Variants in GPR158 observed in about 807,000 individuals in gnomAD.
The protein encoded by GPR158 is metabotropic glycine receptor.
A neutral mutation model predicts 78.2 loss-of-function variants in GPR158; 30 were observed. That is an observed-to-expected ratio of 0.38 (90% CI 0.29 to 0.52). GPR158 has a LOEUF of 0.52. Ranked by LOEUF, GPR158 falls within the 20% of genes least tolerant of loss-of-function variation. GPR158 has a pLI of 0.83. For missense variants in GPR158, 1,463 were observed against 1,523.5 expected (o/e 0.96, Z 0.66); for synonymous variants, 581 against 591.1 (o/e 0.98, Z 0.25).
chr10:25,523,979 A>C (rs1016331355), intron 5 of GPR158, among the ~76,000 whole-genome samples: 21 of 152,218 alleles, frequency 1.4e-4, no homozygotes, highest in Non-Finnish European at 2.2e-4. Context: ...AAGTTCAGCA[A>C]AGTTGCAGAA....
intron 2 of GPR158, among the ~76,000 whole-genome samples, chr10:25,229,766 C>T (rs1564396599): frequency 6.6e-6 from 1 of 152,150 alleles, no homozygotes; most frequent in Non-Finnish European, 1.5e-5. Context: ...AGATTACAAA[C>T]TACATTTAAC....
intron 5 of GPR158, among the ~76,000 whole-genome samples, chr10:25,480,396 C>T (rs11014576): frequency 0.24 from 36,736 of 152,088 alleles, 6,114 homozygotes; most frequent in African/African-American, 0.47. Flanking sequence ...TGGCTTTAAA[C>T]ACATTCACAG....
intron 6 of GPR158, among the ~76,000 whole-genome samples, chr10:25,551,871 C>G (rs1017187267): frequency 6.6e-6 from 1 of 152,134 alleles, no homozygotes; most frequent in Non-Finnish European, 1.5e-5. Flanking sequence ...TTGTACTGAT[C>G]AGCTTTAAAG....
chr10:25,349,163 T>A (rs1233534848), intron 2 of GPR158, among the ~76,000 whole-genome samples: 1 of 151,974 alleles, frequency 6.6e-6, no homozygotes, highest in African/African-American at 2.4e-5. Context: ...ATCTGTTTCT[T>A]GGTTGTTTGC....
At chr10:25,503,335 C>T (rs981681145) in intron 5 of GPR158, among the ~76,000 whole-genome samples, 3 of 151,680 alleles carry the variant, frequency 2.0e-5, no homozygotes, top group African/African-American at 7.3e-5. Flanking sequence ...TATGATCATG[C>T]CACTGCACTC....
chr10:25,499,783 A>G (rs986690670), intron 5 of GPR158, among the ~76,000 whole-genome samples: 2 of 152,184 alleles, frequency 1.3e-5, no homozygotes, highest in Admixed American at 6.6e-5. Flanking sequence ...GGCAACATGC[A>G]TAGCAAGTGG....
At chr10:25,227,148 T>C (rs536739530) in intron 2 of GPR158, among the ~76,000 whole-genome samples, 1 of 152,346 alleles carries the variant, frequency 6.6e-6, no homozygotes, top group South Asian at 2.1e-4. Flanking sequence ...TCGAATTGTT[T>C]CAAAGCTAGG....
intron 2 of GPR158, among the ~76,000 whole-genome samples, chr10:25,348,738 C>A (rs1226498324): frequency 1.3e-5 from 2 of 151,972 alleles, no homozygotes. Context: ...TCCCTATCAG[C>A]AGGATTATCC....
intron 2 of GPR158, among the ~76,000 whole-genome samples, chr10:25,310,795 A>G (rs954475833): frequency 2.0e-5 from 3 of 152,020 alleles, no homozygotes; most frequent in Admixed American, 6.6e-5. Flanking sequence ...ATCTTTTTCT[A>G]CAACCAGTTT....
At chr10:25,452,909 C>A (rs567867180) in intron 4 of GPR158, among the ~76,000 whole-genome samples, 2 of 152,320 alleles carry the variant, frequency 1.3e-5, no homozygotes, top group South Asian at 4.1e-4. Context: ...GCCCCTGCAG[C>A]CACCATTCTA....
chr10:25,516,205 T>A (rs993790579), intron 5 of GPR158, among the ~76,000 whole-genome samples: 1 of 151,826 alleles, frequency 6.6e-6, no homozygotes, highest in Non-Finnish European at 1.5e-5. Flanking sequence ...TTGCCCACTT[T>A]TTGATGGGGT....
chr10:25,428,496 C>A (rs1226214568), intron 4 of GPR158, among the ~76,000 whole-genome samples: 6 of 151,784 alleles, frequency 4.0e-5, no homozygotes, highest in African/African-American at 1.2e-4. Flanking sequence ...TCTAAGGGGT[C>A]CAAGAGTTTG....
rs1837493249 is a variant in GPR158, at chr10:25,601,212, G to GCA, written c.*1940_*1941dup. 1 of 152,580 alleles carries GCA rather than the reference G, an allele frequency of 6.6e-6. No homozygotes were observed. Among genetic ancestry groups the GCA allele is most frequent in the Admixed American group, 6.6e-5 (1 of 15,264 alleles). The allele number at this position is 152,580 out of a possible 1,614,324, so 9.5% of individuals were successfully genotyped here. A position where few individuals can be genotyped will look rare whatever the true frequency, so the allele number is the denominator to read the frequency against. On this transcript the variant is annotated 3_prime_UTR_variant, in exon 11 of 11. Transcript: ENST00000376351. The stretch of plus-strand genomic sequence containing the variant: ...GATTTTTTTATTCAGGAGTAAGCAA[G>GCA]CACTTCACTGTTTCACAAAGCTGTG...
chr10:25,222,657 G>C (rs952697878), intron 2 of GPR158, among the ~76,000 whole-genome samples: 1 of 152,174 alleles, frequency 6.6e-6, no homozygotes, highest in Non-Finnish European at 1.5e-5. Flanking sequence ...TCTTTAGCCT[G>C]ATTATCATCT....
rs1415059495 is a variant in GPR158, at chr10:25,601,578, A to G, written c.*2304A>G. 1 of 152,618 alleles carries G rather than the reference A, an allele frequency of 6.6e-6. No homozygotes were observed. The highest frequency in any genetic ancestry group is 2.4e-5 in the African/African-American group (1 of 41,446). The allele number at this position is 152,618 out of a possible 1,614,324, so 9.5% of individuals were successfully genotyped here. A position where few individuals can be genotyped will look rare whatever the true frequency, so the allele number is the denominator to read the frequency against. On this transcript the variant is annotated 3_prime_UTR_variant, in exon 11 of 11. Transcript: ENST00000376351. ...GAGTTAAAAAGACTTGCCAAATTAT[A>G]TCTTAGCGACATTCTATAGTTCATA...
chr10:25,579,142 G>A (rs1193836870), intron 7 of GPR158, among the ~76,000 whole-genome samples: 3 of 151,830 alleles, frequency 2.0e-5, no homozygotes, highest in Admixed American at 6.6e-5. Flanking sequence ...ACAACTGTAC[G>A]ACTGTCAGAT....
intron 5 of GPR158, among the ~76,000 whole-genome samples, chr10:25,525,497 A>G (rs1273244153): frequency 1.3e-5 from 2 of 152,236 alleles, no homozygotes; most frequent in African/African-American, 4.8e-5. Flanking sequence ...CATACATTGT[A>G]TGGTACTCTA....
chr10:25,534,725 G>A (rs1836476185), intron 5 of GPR158, among the ~76,000 whole-genome samples: 1 of 152,094 alleles, frequency 6.6e-6, no homozygotes, highest in Non-Finnish European at 1.5e-5. Flanking sequence ...CTGCACTTCA[G>A]CCTGCGTGAC....
At chr10:25,597,345 T>C (rs1229658491) in intron 10 of GPR158, among the ~76,000 whole-genome samples, 4 of 152,250 alleles carry the variant, frequency 2.6e-5, no homozygotes, top group African/African-American at 9.6e-5. Context: ...AACAATATGC[T>C]GTGTTTTGTT....
Sources: gnomAD v4.1 joint callset for allele counts (sites outside exome capture counted in the v4.1 genomes callset) on GRCh38, gnomAD v4.1.1 for gene constraint, MANE v1.5 for transcripts, NCBI Gene and HGNC (gene_info 2026-07-23, HGNC 2026-07-21) for gene names.